The following SNTB2 variants were observed in gnomAD, a reference collection of about 807,000 sequenced individuals.
SNTB2 encodes beta-2-syntrophin.
In SNTB2, 34 loss-of-function variants were observed where a neutral mutation model predicts 46.2. That is an observed-to-expected ratio of 0.74 (90% confidence interval 0.56 to 0.98). The LOEUF (loss-of-function observed/expected upper bound fraction) is 0.98. Ranked by LOEUF, SNTB2 falls within the 50% of genes least tolerant of loss-of-function variation. The probability of loss-of-function intolerance (pLI) is 0.00; values close to 1 mark genes in which losing one functional copy is unlikely to be tolerated. For missense variants in SNTB2, 603 were observed against 731.4 expected (o/e 0.82, Z 2.02); for synonymous variants, 290 against 312.6 (o/e 0.93, Z 0.76).
chr16:69,196,171 T>C (rs142031516), intron 1 of SNTB2, among the ~76,000 whole-genome samples: 1 of 151,890 alleles, frequency 6.6e-6, no homozygotes, highest in Non-Finnish European at 1.5e-5. Flanking sequence ...CTCGGGAGAT[T>C]GAGGCTGCAG....
At chr16:69,242,992 G>C (rs1427501962) in intron 1 of SNTB2, among the ~76,000 whole-genome samples, 1 of 143,548 alleles carries the variant, frequency 7.0e-6, no homozygotes, top group East Asian at 2.0e-4. Context: ...CTGCACTCCA[G>C]CCTGGGCGAC....
At chr16:69,225,655 C>G (rs572328328) in intron 1 of SNTB2, among the ~76,000 whole-genome samples, 1 of 152,316 alleles carries the variant, frequency 6.6e-6, no homozygotes, top group East Asian at 1.9e-4. Flanking sequence ...GGACACATGT[C>G]TTCCTTTTAT....
At chr16:69,271,288 A>G (rs1271989720) in intron 4 of SNTB2, among the ~76,000 whole-genome samples, 3 of 152,200 alleles carry the variant, frequency 2.0e-5, no homozygotes, top group Admixed American at 1.3e-4. Context: ...CCTCAGTATT[A>G]GGGAGGTGTG....
intron 5 of SNTB2, among the ~76,000 whole-genome samples, chr16:69,298,582 C>T (rs972743373): frequency 7.5e-6 from 1 of 132,522 alleles, no homozygotes; most frequent in Non-Finnish European, 1.5e-5. Context: ...AGTGCAGTGG[C>T]GTGATTTCAT....
At chr16:69,264,129 C>A (rs536056409) in intron 3 of SNTB2, among the ~76,000 whole-genome samples, 2 of 152,250 alleles carry the variant, frequency 1.3e-5, no homozygotes, top group African/African-American at 4.8e-5. Flanking sequence ...AGGCCTGGGT[C>A]TCCCACAGTC....
At chr16:69,298,359 T>C (rs1282768167) in intron 5 of SNTB2, among the ~76,000 whole-genome samples, 1 of 152,106 alleles carries the variant, frequency 6.6e-6, no homozygotes, top group Non-Finnish European at 1.5e-5. Context: ...GCCTTTAACT[T>C]TGATGAACAT....
At position 69,255,973 on chromosome 16, in the gene SNTB2, G is replaced by A. The variant is rs558849646; in HGVS notation, c.795-4077G>A. Among the ~76,000 whole-genome samples, 236 of 152,038 alleles carry A rather than the reference G, an allele frequency of 1.6e-3. 1 individual carries two copies. Among genetic ancestry groups the A allele is most frequent in the African/African-American group, 5.5e-3 (228 of 41,486 alleles). On this transcript the variant is annotated intron_variant, in intron 2 of 6. Transcript: ENST00000336278. ...GAAGCTGAGGCGGGCGGATCATGAG[G>A]TCAGGAGTTCGAGACCAGCCTGGCC... is the stretch of plus-strand genomic sequence containing the variant.
At chr16:69,199,142 G>A (rs1200643880) in intron 1 of SNTB2, among the ~76,000 whole-genome samples, 6 of 152,054 alleles carry the variant, frequency 3.9e-5, no homozygotes, top group African/African-American at 1.4e-4. Context: ...TGATTCACCC[G>A]CCTTAGCCTG....
chr16:69,210,163 C>T (rs1322590964), intron 1 of SNTB2, among the ~76,000 whole-genome samples: 1 of 150,810 alleles, frequency 6.6e-6, no homozygotes, highest in Non-Finnish European at 1.5e-5. Context: ...AGTTGGATTA[C>T]AGGTGCACAC....
At chr16:69,254,479 T>C (rs893131651) in intron 2 of SNTB2, among the ~76,000 whole-genome samples, 1 of 152,212 alleles carries the variant, frequency 6.6e-6, no homozygotes, top group Non-Finnish European at 1.5e-5. Flanking sequence ...ATTATGCTTT[T>C]TAAAAAATCC....
intron 1 of SNTB2, among the ~76,000 whole-genome samples, chr16:69,193,318 CTTTTTTTTTT>C (rs57663863): frequency 4.3e-5 from 3 of 70,192 alleles, no homozygotes; most frequent in Non-Finnish European, 8.2e-5. Flanking sequence ...ATGGTATAGA[CTTTTTTTTTT>C]TTTTTTTTTT....
chr16:69,213,647 G>A (rs1489802617), intron 1 of SNTB2, among the ~76,000 whole-genome samples: 4 of 149,168 alleles, frequency 2.7e-5, no homozygotes, highest in East Asian at 2.0e-4. Context: ...GTACAGGCGC[G>A]TGCCACCACG....
At chr16:69,210,600 C>T (rs1389827451) in intron 1 of SNTB2, among the ~76,000 whole-genome samples, 1 of 152,014 alleles carries the variant, frequency 6.6e-6, no homozygotes, top group African/African-American at 2.4e-5. Context: ...GTAGTGTGAT[C>T]AGCTTGGAAC....
At chr16:69,240,750 T>C (rs1214666413) in intron 1 of SNTB2, 1 of 152,256 alleles carries the variant, frequency 6.6e-6, no homozygotes, top group African/African-American at 2.4e-5. Context: ...AGTTGATGTT[T>C]ATAAAAGAGG....
At chr16:69,210,944 T>C (rs1191860974) in intron 1 of SNTB2, among the ~76,000 whole-genome samples, 1 of 151,910 alleles carries the variant, frequency 6.6e-6, no homozygotes, top group African/African-American at 2.4e-5. Context: ...TGAGCCGAGA[T>C]TGCACCACTC....
rs558112934 is a variant in SNTB2 at position 69,235,675 on chromosome 16, A to G, written c.581-9927A>G. 43 of 1,248,020 alleles carry G rather than the reference A, an allele frequency of 3.4e-5. No individual in the cohort carries two copies. The East Asian group carries it at 2.3e-3, about 68-fold the overall frequency. The allele number at this position is 1,248,020 out of a possible 1,614,324, so 77.3% of individuals were successfully genotyped here. Reference sequence around the variant, plus strand: ...AACAAAACAAAAAACCCTGGCACCAATATGACAGCTTCAAACTGCTGTATC... The same window carrying G: ...AACAAAACAAAAAACCCTGGCACCAGTATGACAGCTTCAAACTGCTGTATC... On this transcript the variant is annotated intron_variant, in intron 1 of 6. Transcript: ENST00000336278.
chr16:69,205,103 C>T (rs559670259), intron 1 of SNTB2, among the ~76,000 whole-genome samples: 1 of 151,796 alleles, frequency 6.6e-6, no homozygotes, highest in East Asian at 1.9e-4. Flanking sequence ...ATGTTGTGTA[C>T]TTTGTGTACA....
In SNTB2 at chr16:69,289,727, G is replaced by T. The variant is rs796480468; in HGVS notation, c.1345+5483G>T. Among the ~76,000 whole-genome samples, 8 of 152,194 alleles carry T rather than the reference G, an allele frequency of 5.3e-5. 1 individual carries two copies. Among genetic ancestry groups the T allele is most frequent in the African/African-American group, 1.9e-4 (8 of 41,534 alleles). Reference sequence around the variant, plus strand: ...GAGGCAGGTGGATCACTTGAGCTCAGTCTGGGCAACATGGCGAAACCCCGT... The same window carrying T: ...GAGGCAGGTGGATCACTTGAGCTCATTCTGGGCAACATGGCGAAACCCCGT... On this transcript the variant is annotated intron_variant, in intron 5 of 6. Transcript: ENST00000336278.
intron 1 of SNTB2, among the ~76,000 whole-genome samples, chr16:69,240,076 C>T (rs1964596172): frequency 1.3e-5 from 2 of 152,104 alleles, no homozygotes; most frequent in African/African-American, 4.8e-5. Flanking sequence ...ACGAATAGAG[C>T]TGCTAAGAAC....
Sources: allele counts gnomAD v4.1 joint callset (sites outside exome capture counted in the v4.1 genomes callset), GRCh38; gene constraint gnomAD v4.1.1; transcripts MANE v1.5; gene names NCBI Gene and HGNC (gene_info 2026-07-23, HGNC 2026-07-21).